Variants in UNKL observed in about 807,000 individuals in gnomAD.
The protein encoded by UNKL is unk like zinc finger.
In UNKL, 60 loss-of-function variants were observed where a neutral mutation model predicts 78.0. The ratio of observed to expected loss-of-function variants is 0.77; its 90% CI spans 0.63 to 0.95. The LOEUF (loss-of-function observed/expected upper bound fraction) is 0.95. UNKL is among the 40% of genes least tolerant of loss of function. The pLI is 0.00. For synonymous variants in UNKL, 608 were observed against 474.8 expected, an observed-to-expected ratio of 1.28 and a Z score of -3.65; for missense variants, 1,159 against 1,045.7, an observed-to-expected ratio of 1.11 and a Z score of -1.49.
At chr16:1,413,786 T>A (rs2038156278) in intron 2 of UNKL, 60 bp downstream of exon 2, 2 of 1,462,394 alleles carry the variant, frequency 1.4e-6, no homozygotes, top group East Asian at 2.5e-5. Flanking sequence ...CCCGGCCGCA[T>A]CCCCGGGTGG....
Position 1,368,471 on chromosome 16 carries a change from G to A in UNKL, c.1586-613C>T, listed in dbSNP as rs541146860. Among the ~76,000 whole-genome samples the A allele has an allele frequency of 2.2e-3, 338 of 151,846 alleles. 1 individual carries two copies. Among genetic ancestry groups the A allele is most frequent in the African/African-American group, 7.9e-3 (327 of 41,456 alleles). On this transcript the variant is annotated intron_variant, in intron 12 of 14. Transcript: ENST00000389221. ...CAAAAAATTAGCCAGGCGTGGTGGC[G>A]GGCGCCTGTAGTCCCAGCTACTCGG...
Position 1,399,460 on chromosome 16 carries a change from C to T in UNKL, c.648G>A (p.Pro216=), listed in dbSNP as rs780587915. 6.2e-6 allele frequency: 10 copies of T among 1,601,832 alleles called. No homozygotes were observed. Among genetic ancestry groups the T allele is most frequent in the Admixed American group, 5.1e-5 (3 of 58,768 alleles). The part of the protein sequence containing the change: ...GSYKTEQCPK[P]PRLCRQGYAC... ...CATAGCCCTGGCGGCACAGGCGTGG[C>T]GGCTTCGGGCACTGCTCCGTCTTGT... The change falls in exon 5 of 15, where the codon CCG becomes CCA. Residue 216 remains proline (P), a synonymous_variant. Transcript: ENST00000389221. The surrounding 1 kb of genome is among the most constrained non-coding windows in gnomAD (Gnocchi z 5.8).
intron 4 of UNKL, 69 bp downstream of exon 4, chr16:1,401,499 T>C (rs2037522650): frequency 3.8e-5 from 53 of 1,394,528 alleles, no homozygotes; most frequent in Non-Finnish European, 4.8e-5. Context: ...GGGAACCAAG[T>C]GGCCCGAGCT....
intron 10 of UNKL, among the ~76,000 whole-genome samples, chr16:1,372,509 C>T (rs1222339977): frequency 6.6e-6 from 1 of 152,116 alleles, no homozygotes; most frequent in African/African-American, 2.4e-5. Flanking sequence ...AGTCCCCACC[C>T]CCAACCCCGA....
At position 1,413,989 on chromosome 16, in the gene UNKL, C is replaced by T. The variant is rs1376414558; in HGVS notation, c.144G>A (p.Arg48=). 1 of 1,552,038 alleles carries T rather than the reference C, an allele frequency of 6.4e-7. No individual in the cohort carries two copies. The highest frequency in any genetic ancestry group is 1.2e-5 in the South Asian group (1 of 84,166). ...LFSQHKCAQH[R]PFTCFHWHFL... is the part of the protein sequence containing the mutation. ...AGTGCCAGTGGAAGCAGGTGAACGGCCGGTGCTGCGCGCACTTGTGCTGTG... is the reference window on the plus strand; with the variant it reads ...AGTGCCAGTGGAAGCAGGTGAACGGTCGGTGCTGCGCGCACTTGTGCTGTG... The change falls in exon 2 of 15, where the codon CGG becomes CGA. Residue 48 remains arginine, a synonymous_variant. Coordinates refer to ENST00000389221, the MANE Select transcript of UNKL (RefSeq NM_001372107.1).
intron 3 of UNKL, 45 bp from the exon 4 acceptor site, chr16:1,401,746 TC>T: frequency 6.4e-7 from 1 of 1,570,276 alleles, no homozygotes; most frequent in South Asian, 1.1e-5. Flanking sequence ...ATCTGGAGCC[TC>T]CAAAGCTGAA....
At chr16:1,391,929 C>A (rs2037067953) in intron 8 of UNKL, among the ~76,000 whole-genome samples, 2 of 151,916 alleles carry the variant, frequency 1.3e-5, no homozygotes, top group South Asian at 4.2e-4. Context: ...CTCAGGTGAT[C>A]CACCCGCCTT....
At position 1,365,492 on chromosome 16, in the gene UNKL, C is replaced by T. The variant is rs2141890987; in HGVS notation, c.*748G>A. ...ATGCAGGACGGAGCTCTCCTGCTCC[C>T]ACGCCACGAGGCTGGAACATCAGCC... is the stretch of plus-strand genomic sequence containing the variant. On this transcript the variant is annotated 3_prime_UTR_variant, in exon 15 of 15. Coordinates refer to ENST00000389221, the MANE Select transcript of UNKL (RefSeq NM_001372107.1). 6.6e-6 allele frequency: 1 copy of T among 152,650 alleles called. No individual in the cohort carries two copies. The highest frequency in any genetic ancestry group is 1.9e-4 in the East Asian group (1 of 5,194). 9.5% of individuals were successfully genotyped at this position (152,650 alleles called of 1,614,324 possible). A position where few individuals can be genotyped will look rare whatever the true frequency, so the allele number is the denominator to read the frequency against.
At position 1,365,699 on chromosome 16, in the gene UNKL, TC is replaced by T. The variant is rs1469579342; in HGVS notation, c.*540del. ...TAAGTACTAGTTTCAGAATATGAAA[TC>T]TAATATATTTAGCATACTATGAATT... On this transcript the variant is annotated 3_prime_UTR_variant, in exon 15 of 15. Coordinates refer to ENST00000389221, the MANE Select transcript of UNKL (RefSeq NM_001372107.1). 1 of 152,606 alleles carries T rather than the reference TC, an allele frequency of 6.6e-6. No individual in the cohort carries two copies. Among genetic ancestry groups the T allele is most frequent in the African/African-American group, 2.4e-5 (1 of 41,422 alleles). The allele number at this position is 152,606 out of a possible 1,614,324, so 9.5% of individuals were successfully genotyped here.
intron 2 of UNKL, among the ~76,000 whole-genome samples, chr16:1,412,634 A>G (rs1596787536): frequency 6.6e-6 from 1 of 152,256 alleles, no homozygotes; most frequent in East Asian, 1.9e-4. Context: ...GAGCCTGCAC[A>G]TAAAAACTTT....
rs1216324929 is a variant in UNKL at position 1,367,860 on chromosome 16, T to C, written c.1586-2A>G. On this transcript the variant is annotated splice_acceptor_variant, in intron 12 of 14. Transcript: ENST00000389221. LOFTEE classifies it high-confidence loss of function. Reference sequence around the variant, plus strand: ...TGCTCCCGGGGACACCGTTCAAACCTGAGTGTGAAACGGTCGATGACGGCC... The same window carrying C: ...TGCTCCCGGGGACACCGTTCAAACCCGAGTGTGAAACGGTCGATGACGGCC... 2 of 1,560,758 alleles carry C rather than the reference T, an allele frequency of 1.3e-6. No homozygotes were observed. The highest frequency in any genetic ancestry group is 1.7e-6 in the Non-Finnish European group (2 of 1,153,164).
intron 2 of UNKL, among the ~76,000 whole-genome samples, chr16:1,404,884 G>A (rs1394818053): frequency 6.6e-6 from 1 of 152,170 alleles, no homozygotes; most frequent in Non-Finnish European, 1.5e-5. Context: ...CAGCCACACA[G>A]TGGGGTATTT....
At chr16:1,367,010 G>A (rs917270693) in intron 14 of UNKL, 82 bp downstream of exon 14, 22 of 1,442,468 alleles carry the variant, frequency 1.5e-5, no homozygotes, top group South Asian at 2.9e-5. Flanking sequence ...AGGGGACACC[G>A]CACCAGCCAG....
chr16:1,383,750 T>A (rs1361376013), intron 10 of UNKL: 2 of 419,276 alleles, frequency 4.8e-6, no homozygotes, highest in South Asian at 1.6e-5. Context: ...CCGCCCACAT[T>A]GACGCGGGTC....
intron 11 of UNKL, among the ~76,000 whole-genome samples, chr16:1,371,020 T>C (rs1174588348): frequency 2.0e-5 from 3 of 150,120 alleles, no homozygotes; most frequent in Admixed American, 1.3e-4. Context: ...GAGGTGGAGC[T>C]TGCAGTGAGC....
At position 1,371,574 on chromosome 16, in the gene UNKL, A is replaced by G. The variant is rs1015085652; in HGVS notation, c.1302T>C (p.Ile434=). Reference sequence around the variant, plus strand: ...CTTCCAGGTCCTTCTCTAGGGATGCAATATTCACATTGCTAAGATGCAGGT... The same window carrying G: ...CTTCCAGGTCCTTCTCTAGGGATGCGATATTCACATTGCTAAGATGCAGGT... ...ALDLHLSNVN[I]ASLEKDLEEQ... The change falls in exon 11 of 15, where the codon ATT becomes ATC. Residue 434 remains isoleucine (I), a synonymous_variant. Transcript: ENST00000389221. 2 of 1,536,200 alleles carry G rather than the reference A, an allele frequency of 1.3e-6. No homozygotes were observed. The highest frequency in any genetic ancestry group is 1.4e-5 in the African/African-American group (1 of 73,172).
intron 12 of UNKL, chr16:1,368,074 T>A: frequency 2.4e-5 from 11 of 458,640 alleles, no homozygotes; most frequent in South Asian, 1.9e-4. Flanking sequence ...CCCCGGCCGG[T>A]CTCCCCACCA....
Position 1,383,049 on chromosome 16 carries a change from G to A in UNKL, c.1264+2159C>T, listed in dbSNP as rs555189524. On this transcript the variant is annotated intron_variant, in intron 10 of 14. Coordinates refer to ENST00000389221, the MANE Select transcript of UNKL (RefSeq NM_001372107.1). ...CCCAGGCGGGCAGATCACGAGGTCA[G>A]GAGATCAAGACCAGGCTGGCCAATA... 2.0e-5 allele frequency among the ~76,000 whole-genome samples: 3 copies of A among 150,886 alleles called. No individual in the cohort carries two copies. In the East Asian group the frequency reaches 5.8e-4, roughly 29 times the overall value.
intron 8 of UNKL, among the ~76,000 whole-genome samples, chr16:1,392,586 C>G (rs888476485): frequency 6.6e-6 from 1 of 152,178 alleles, no homozygotes; most frequent in African/African-American, 2.4e-5. Context: ...AGGCACCCAC[C>G]ACCACACCTG....
Sources: gnomAD v4.1 joint callset for allele counts (sites outside exome capture counted in the v4.1 genomes callset) on GRCh38, gnomAD v4.1.1 for gene constraint, Gnocchi (gnomAD v3.1) non-coding constraint, MANE v1.5 for transcripts, NCBI Gene and HGNC (gene_info 2026-07-23, HGNC 2026-07-21) for gene names.